Variants in CEP192 observed in about 807,000 individuals in gnomAD.
The protein encoded by CEP192 is centrosomal protein of 192 kDa.
In CEP192, 151 loss-of-function variants were observed where a neutral mutation model predicts 271.8. The observed-to-expected ratio is 0.56, with a 90% CI of 0.49 to 0.64. CEP192 has a LOEUF of 0.64. Among genes scored for constraint, CEP192 ranks in the 30% least tolerant of loss-of-function variants. CEP192 has a pLI of 0.00. For synonymous variants in CEP192, 995 were observed against 1,076.5 expected, an observed-to-expected ratio of 0.92 and a Z score of 1.48; for missense variants, 2,910 against 3,020.5, an observed-to-expected ratio of 0.96 and a Z score of 0.86.
At chr18:13,086,222 A>C (rs1276991192) in intron 30 of CEP192, among the ~76,000 whole-genome samples, 1 of 152,218 alleles carries the variant, frequency 6.6e-6, no homozygotes, top group Non-Finnish European at 1.5e-5. Flanking sequence ...TGATTTTCAC[A>C]CATTGACTTT....
At chr18:13,092,679 C>A (rs2039203399) in intron 34 of CEP192, 152 bp downstream of exon 34, 3 of 662,688 alleles carry the variant, frequency 4.5e-6, no homozygotes, top group Non-Finnish European at 7.4e-6. Flanking sequence ...GAAATAATTT[C>A]AAACTTTCAG....
rs191359727 is a variant in CEP192, at chr18:13,011,823, C to T, written c.467-1150C>T. On this transcript the variant is annotated intron_variant, in intron 4 of 44. Coordinates refer to ENST00000506447, the MANE Select transcript of CEP192 (RefSeq NM_032142.4). ...GATTACAGGCATGAGCCACTGTGTC[C>T]GACCTCACAGAAAACCTTGTACATG... Among the ~76,000 whole-genome samples, 87 of 152,236 alleles carry T rather than the reference C, an allele frequency of 5.7e-4. 1 individual carries two copies. Among genetic ancestry groups the T allele is most frequent in the African/African-American group, 1.9e-3 (78 of 41,518 alleles).
At chr18:13,106,533 C>CACT (rs1225052913) in intron 40 of CEP192, among the ~76,000 whole-genome samples, 2 of 149,120 alleles carry the variant, frequency 1.3e-5, no homozygotes, top group South Asian at 2.2e-4. Context: ...CCACCACCAC[C>CACT]ACCTCCCCCA....
At chr18:13,049,946 T>TA (rs1208576868) in intron 17 of CEP192, 55 bp downstream of exon 17, 1 of 1,401,290 alleles carries the variant, frequency 7.1e-7, no homozygotes, top group South Asian at 1.3e-5. Flanking sequence ...GTATAGGAAC[T>TA]GGGAAAAAAA....
chr18:13,107,381 A>G (rs1164613223), intron 40 of CEP192, among the ~76,000 whole-genome samples: 1 of 152,224 alleles, frequency 6.6e-6, no homozygotes, highest in Non-Finnish European at 1.5e-5. Flanking sequence ...TTCAGTTTTC[A>G]CAATCTCTCT....
In CEP192 at chr18:13,029,652, T is replaced by C; in HGVS notation, c.1051-11T>C. The C allele has an allele frequency of 1.4e-6, 2 of 1,453,946 alleles. No homozygotes were observed. Among genetic ancestry groups the C allele is most frequent in the Non-Finnish European group, 1.8e-6 (2 of 1,094,104 alleles). The allele number at this position is 1,453,946 out of a possible 1,614,324, so 90.1% of individuals were successfully genotyped here. A position where few individuals can be genotyped will look rare whatever the true frequency, so the allele number is the denominator to read the frequency against. On this transcript the variant is annotated splice_polypyrimidine_tract_variant and intron_variant, in intron 9 of 44. Coordinates refer to ENST00000506447, the MANE Select transcript of CEP192 (RefSeq NM_032142.4). Reference sequence around the variant, plus strand: ...TTGCTCTGTTAAAAAATCTGATTTTTTGTTTTAAAGGAATGTGCAAGTAAA... The same window carrying C: ...TTGCTCTGTTAAAAAATCTGATTTTCTGTTTTAAAGGAATGTGCAAGTAAA...
intron 40 of CEP192, among the ~76,000 whole-genome samples, chr18:13,113,278 C>A (rs1240811211): frequency 6.6e-6 from 1 of 152,222 alleles, no homozygotes; most frequent in Non-Finnish European, 1.5e-5. Context: ...GTTGGACCTT[C>A]CTCGTGTAGG....
chr18:13,014,123 T>G (rs2034512012), intron 5 of CEP192, among the ~76,000 whole-genome samples: 1 of 152,226 alleles, frequency 6.6e-6, no homozygotes, highest in Admixed American at 6.5e-5. Context: ...CACAAAATGT[T>G]TGTTGACCCT....
chr18:13,069,662 G>A (rs566062357), intron 26 of CEP192, 76 bp from the exon 27 acceptor site: 9 of 799,008 alleles, frequency 1.1e-5, no homozygotes, highest in South Asian at 6.0e-5. Context: ...AGAAACGCAC[G>A]TAAGGCAGGA....
intron 15 of CEP192, among the ~76,000 whole-genome samples, chr18:13,048,248 A>T (rs1187367330): frequency 6.6e-6 from 1 of 152,140 alleles, no homozygotes; most frequent in African/African-American, 2.4e-5. Flanking sequence ...TCTTCCCACC[A>T]ATTTGCTCCA....
chr18:13,088,245 C>G (rs1461705859), intron 32 of CEP192, among the ~76,000 whole-genome samples: 2 of 151,966 alleles, frequency 1.3e-5, no homozygotes, highest in African/African-American at 2.4e-5. Context: ...GCCAGGAGTT[C>G]AAGACCAGCC....
chr18:12,994,459 G>C (rs1160526496), intron 1 of CEP192, among the ~76,000 whole-genome samples: 2 of 152,020 alleles, frequency 1.3e-5, no homozygotes, highest in African/African-American at 4.8e-5. Context: ...AGGCCTCATA[G>C]AGTTTTCAGG....
Position 13,113,632 on chromosome 18 carries a change from T to A in CEP192, c.7094T>A (p.Phe2365Tyr). 1 of 1,613,462 alleles carries A rather than the reference T, an allele frequency of 6.2e-7. No homozygotes were observed. ...LPRGRGDYAQ[F>Y]WDVECHPLKE... ...AGAGGTAGGGGGGATTATGCCCAGT[T>A]TTGGGATGTTGAATGTCACCCTCTT... Residue 2365 changes from phenylalanine to tyrosine, a missense_variant, in exon 41 of 45, where the codon TTT (phenylalanine) becomes TAT (tyrosine). Physicochemically the swap from Phe to Tyr is conservative, Grantham distance 22. Coordinates refer to ENST00000506447, the MANE Select transcript of CEP192 (RefSeq NM_032142.4).
intron 28 of CEP192, among the ~76,000 whole-genome samples, chr18:13,072,296 A>G (rs2038054475): frequency 6.6e-6 from 1 of 152,238 alleles, no homozygotes. Flanking sequence ...CTTTAAAAGT[A>G]GAGTTAATTC....
intron 11 of CEP192, among the ~76,000 whole-genome samples, chr18:13,034,497 C>G (rs753375630): frequency 2.0e-5 from 3 of 152,090 alleles, no homozygotes; most frequent in Non-Finnish European, 4.4e-5. Context: ...AAACTTTATT[C>G]AGAACAGTTC....
At chr18:12,997,485 A>G (rs1034524389) in intron 1 of CEP192, among the ~76,000 whole-genome samples, 3 of 152,186 alleles carry the variant, frequency 2.0e-5, no homozygotes, top group East Asian at 1.9e-4. Flanking sequence ...AATGTGTTTT[A>G]TGGCTTGAGT....
intron 4 of CEP192, among the ~76,000 whole-genome samples, chr18:13,010,775 G>A (rs1335106366): frequency 2.6e-5 from 4 of 152,222 alleles, no homozygotes; most frequent in Admixed American, 2.0e-4. Flanking sequence ...GAACCTGGTA[G>A]GTGGAGGTTG....
chr18:13,097,342 A>G (rs1469760986), intron 36 of CEP192, among the ~76,000 whole-genome samples: 2 of 151,788 alleles, frequency 1.3e-5, no homozygotes, highest in Non-Finnish European at 2.9e-5. Flanking sequence ...CCACTTATAA[A>G]CTCTTCTCTG....
Position 13,096,186 on chromosome 18 carries a change from G to C in CEP192, c.6436G>C (p.Asp2146His). 6.2e-7 allele frequency: 1 copy of C among 1,613,612 alleles called. No homozygotes were observed. The highest frequency in any genetic ancestry group is 8.5e-7 in the Non-Finnish European group (1 of 1,179,746). The change falls in exon 36 of 45, where the codon GAC (aspartate) becomes CAC (histidine). Residue 2146 changes from aspartate to histidine, a missense_variant and splice_region_variant. By Grantham distance (81) the Asp-to-His change is moderately conservative. Coordinates refer to ENST00000506447, the MANE Select transcript of CEP192 (RefSeq NM_032142.4). ...ATTTTATGTATCTGACAAAATAGGT[G>C]ACATGGCAAAAACTGGACGTTTCCA... is the stretch of plus-strand genomic sequence containing the variant. ...HLILVAPSPCDMAKTGRFQIV... is the reference protein window; with the variant it reads ...HLILVAPSPCHMAKTGRFQIV...
Sources: gnomAD v4.1 joint callset for allele counts (sites outside exome capture counted in the v4.1 genomes callset) on GRCh38, gnomAD v4.1.1 for gene constraint, MANE v1.5 for transcripts, NCBI Gene and HGNC (gene_info 2026-07-23, HGNC 2026-07-21) for gene names.